Variants in RNF13 observed in about 807,000 individuals in gnomAD.
RNF13 encodes the protein E3 ubiquitin-protein ligase RNF13.
In RNF13, 19 loss-of-function variants were observed where a neutral mutation model predicts 37.7. The observed-to-expected ratio is 0.50, with a 90% CI of 0.35 to 0.74. RNF13 has a LOEUF of 0.74. Ranked by LOEUF, RNF13 falls within the 30% of genes least tolerant of loss-of-function variation. The probability of loss-of-function intolerance (pLI) is 0.01; values close to 1 mark genes in which losing one functional copy is unlikely to be tolerated. For synonymous variants in RNF13, 144 were observed against 157.8 expected (o/e 0.91, Z 0.65); for missense variants, 375 against 453.0 (o/e 0.83, Z 1.56).
intron 2 of RNF13, among the ~76,000 whole-genome samples, chr3:149,847,154 T>C (rs921633307): frequency 6.6e-6 from 1 of 152,188 alleles, no homozygotes; most frequent in Admixed American, 6.5e-5. Flanking sequence ...GTTGAAAATA[T>C]CATAAGTAGA....
chr3:149,886,070 T>C (rs990031310), intron 4 of RNF13, among the ~76,000 whole-genome samples: 2 of 152,220 alleles, frequency 1.3e-5, no homozygotes, highest in African/African-American at 2.4e-5. Context: ...CTGTGTTTTC[T>C]ATTCTGTTCC....
At chr3:149,909,442 ATTTTTT>A (rs35918938) in intron 6 of RNF13, among the ~76,000 whole-genome samples, 21 of 114,422 alleles carry the variant, frequency 1.8e-4, no homozygotes, top group South Asian at 8.9e-4. Context: ...TGCCTGGTTA[ATTTTTT>A]TTTTTTTTTT....
chr3:149,821,042 T>C (rs1719951169), intron 1 of RNF13, among the ~76,000 whole-genome samples: 1 of 152,230 alleles, frequency 6.6e-6, no homozygotes. Flanking sequence ...TCCATGTCTA[T>C]ATATCAGTTT....
intron 6 of RNF13, among the ~76,000 whole-genome samples, chr3:149,907,679 C>T (rs893590984): frequency 3.3e-5 from 5 of 152,120 alleles, no homozygotes; most frequent in Admixed American, 3.3e-4. Context: ...AATAATAGAA[C>T]CTACAGCATA....
intron 4 of RNF13, among the ~76,000 whole-genome samples, chr3:149,877,059 C>A (rs62268820): frequency 0.13 from 19,713 of 152,008 alleles, 1,710 homozygotes; most frequent in Non-Finnish European, 0.19. Flanking sequence ...GGATTACAGG[C>A]GTGAGCCACC....
chr3:149,950,852 A>G (rs1177413708), intron 8 of RNF13, among the ~76,000 whole-genome samples: 1 of 152,092 alleles, frequency 6.6e-6, no homozygotes, highest in Non-Finnish European at 1.5e-5. Context: ...TCCCAGAATT[A>G]GGTGGGACAA....
At position 149,950,872 on chromosome 3, in the gene RNF13, C is replaced by T. The variant is rs143620850; in HGVS notation, c.701-9184C>T. Among the ~76,000 whole-genome samples, 129 of 152,118 alleles carry T rather than the reference C, an allele frequency of 8.5e-4. 1 individual carries two copies. In the South Asian group the frequency reaches 0.011, roughly 12 times the overall value. ...GAATTAGGTGGGACAAGATGGCTGG[C>T]GGGAGCTGGAGTTGGGTATCTTCTG... On this transcript the variant is annotated intron_variant, in intron 8 of 9. Coordinates refer to ENST00000392894, the MANE Select transcript of RNF13 (RefSeq NM_183381.3).
chr3:149,856,470 G>C (rs1360324604), intron 3 of RNF13, among the ~76,000 whole-genome samples: 1 of 145,334 alleles, frequency 6.9e-6, no homozygotes, highest in Non-Finnish European at 1.5e-5. Flanking sequence ...TTGAGACAGA[G>C]TCTCGCCCTA....
chr3:149,902,028 T>C (rs1261099320), intron 5 of RNF13, 44 bp from the exon 6 acceptor site: 4 of 885,956 alleles, frequency 4.5e-6, no homozygotes, highest in Non-Finnish European at 6.6e-6. Context: ...GATTATACAC[T>C]AAATATGGGC....
intron 6 of RNF13, among the ~76,000 whole-genome samples, chr3:149,903,977 A>G (rs575782928): frequency 3.4e-4 from 51 of 151,444 alleles, no homozygotes; most frequent in Non-Finnish European, 6.6e-4. Context: ...CTGTCTATCT[A>G]TCTACCTACC....
At chr3:149,851,215 A>G (rs1723090638) in intron 2 of RNF13, 1 of 152,236 alleles carries the variant, frequency 6.6e-6, no homozygotes, top group South Asian at 2.1e-4. Flanking sequence ...GTCTTCCTGT[A>G]TGCTGCATCA....
At chr3:149,957,645 TA>T (rs1305392082) in intron 8 of RNF13, among the ~76,000 whole-genome samples, 1 of 152,164 alleles carries the variant, frequency 6.6e-6, no homozygotes, top group Non-Finnish European at 1.5e-5. Context: ...ATGTGATAAG[TA>T]AGTATGCCTA....
At position 149,898,524 on chromosome 3, in the gene RNF13, C is replaced by T. The variant is rs553923476; in HGVS notation, c.409+2964C>T. On this transcript the variant is annotated intron_variant, in intron 5 of 9. Transcript: ENST00000392894. ...GCTTTACCACCTAGTAGCTGTATGA[C>T]CTTGGGTATATTACCTAATATCTAT... Among the ~76,000 whole-genome samples the T allele has an allele frequency of 7.2e-5, 11 of 152,134 alleles. No homozygotes were observed. In the South Asian group the frequency reaches 2.3e-3, roughly 32 times the overall value.
intron 1 of RNF13, among the ~76,000 whole-genome samples, chr3:149,836,327 G>A (rs1283852941): frequency 6.6e-6 from 1 of 151,946 alleles, no homozygotes; most frequent in African/African-American, 2.4e-5. Context: ...CATACAAATG[G>A]CCAAAAAGTA....
intron 2 of RNF13, among the ~76,000 whole-genome samples, chr3:149,847,252 A>G (rs1001470611): frequency 4.6e-5 from 7 of 152,172 alleles, no homozygotes; most frequent in East Asian, 1.9e-4. Context: ...TTGAGGATAT[A>G]TATTTTCTAT....
intron 2 of RNF13, among the ~76,000 whole-genome samples, chr3:149,846,976 C>T (rs1722702132): frequency 6.6e-6 from 1 of 152,142 alleles, no homozygotes; most frequent in Non-Finnish European, 1.5e-5. Context: ...CATAGCCTCT[C>T]TTAGCTACTG....
intron 4 of RNF13, among the ~76,000 whole-genome samples, chr3:149,891,309 CTATT>C (rs1311802039): frequency 1.1e-4 from 17 of 152,204 alleles, no homozygotes; most frequent in Admixed American, 5.9e-4. Flanking sequence ...TAAAAGGTCT[CTATT>C]CATGATCATC....
chr3:149,906,099 T>C (rs1255976766), intron 6 of RNF13, among the ~76,000 whole-genome samples: 1 of 152,204 alleles, frequency 6.6e-6, no homozygotes, highest in Non-Finnish European at 1.5e-5. Context: ...TAATATTTTA[T>C]GATTTTTTTT....
intron 7 of RNF13, among the ~76,000 whole-genome samples, chr3:149,914,393 C>A (rs1210142733): frequency 1.3e-5 from 2 of 151,900 alleles, no homozygotes; most frequent in East Asian, 3.9e-4. Flanking sequence ...ATCATGTAAT[C>A]ATGTCATTAA....
Sources: gnomAD v4.1 joint callset for allele counts (sites outside exome capture counted in the v4.1 genomes callset) on GRCh38, gnomAD v4.1.1 for gene constraint, MANE v1.5 for transcripts, NCBI Gene and HGNC (gene_info 2026-07-23, HGNC 2026-07-21) for gene names.